Variants in CPNE8 observed in about 807,000 individuals in gnomAD.
CPNE8 encodes copine 8.
CPNE8 carries 45 observed loss-of-function variants against 81.5 expected under a neutral mutation model. The ratio of observed to expected loss-of-function variants is 0.55; its 90% CI spans 0.44 to 0.71. CPNE8 has a LOEUF of 0.71. CPNE8 is among the 30% of genes least tolerant of loss of function. The pLI, the probability that CPNE8 is intolerant of heterozygous loss-of-function variation, is 0.00. For missense variants in CPNE8, 594 were observed against 672.1 expected, an observed-to-expected ratio of 0.88 and a Z score of 1.28; for synonymous variants, 252 against 226.3, an observed-to-expected ratio of 1.11 and a Z score of -1.02.
intron 19 of CPNE8, among the ~76,000 whole-genome samples, chr12:38,667,885 C>A (rs60368384): frequency 6.6e-6 from 1 of 151,974 alleles, no homozygotes; most frequent in Non-Finnish European, 1.5e-5. Flanking sequence ...GCAATCTCCA[C>A]CTCCTGGGCT....
chr12:38,894,337 CA>C (rs1388439181), intron 1 of CPNE8, among the ~76,000 whole-genome samples: 1 of 151,898 alleles, frequency 6.6e-6, no homozygotes, highest in Non-Finnish European at 1.5e-5. Context: ...AAACTTTTCC[CA>C]AAAAAATTTT....
chr12:38,674,875 G>T (rs1939254082), intron 18 of CPNE8, among the ~76,000 whole-genome samples: 1 of 152,190 alleles, frequency 6.6e-6, no homozygotes, highest in South Asian at 2.1e-4. Flanking sequence ...AACTTACAAA[G>T]ATTGTGTCAA....
chr12:38,738,075 G>A (rs1940996405), intron 10 of CPNE8, among the ~76,000 whole-genome samples: 1 of 152,098 alleles, frequency 6.6e-6, no homozygotes, highest in South Asian at 2.1e-4. Flanking sequence ...CTTGCTTGTG[G>A]AGCCGGCTAC....
intron 10 of CPNE8, among the ~76,000 whole-genome samples, chr12:38,750,904 CTG>C (rs1213727274): frequency 2.0e-5 from 3 of 152,136 alleles, no homozygotes; most frequent in Non-Finnish European, 4.4e-5. Flanking sequence ...TATGGTTTGG[CTG>C]TGTCCCCACC....
chr12:38,833,140 G>T (rs573378270), intron 5 of CPNE8, among the ~76,000 whole-genome samples: 2 of 151,826 alleles, frequency 1.3e-5, no homozygotes, highest in Admixed American at 1.3e-4. Flanking sequence ...ATCACTTGAG[G>T]TCAGGCGATC....
At chr12:38,749,727 C>A (rs1941311897) in intron 10 of CPNE8, among the ~76,000 whole-genome samples, 1 of 152,072 alleles carries the variant, frequency 6.6e-6, no homozygotes, top group Admixed American at 6.6e-5. Flanking sequence ...GAGGAAATTT[C>A]TAAGCAGCAA....
chr12:38,815,154 G>A (rs554914978), intron 6 of CPNE8, among the ~76,000 whole-genome samples: 3 of 152,220 alleles, frequency 2.0e-5, no homozygotes, highest in East Asian at 3.9e-4. Context: ...GAGCCAAACA[G>A]GCTGGTGCCA....
intron 13 of CPNE8, among the ~76,000 whole-genome samples, chr12:38,704,165 C>G (rs530591556): frequency 7.9e-5 from 12 of 152,238 alleles, no homozygotes; most frequent in South Asian, 2.1e-4. Context: ...TGCTCAGTAC[C>G]TGGGTGACAG....
chr12:38,755,614 G>A (rs1474215758), intron 10 of CPNE8, among the ~76,000 whole-genome samples: 2 of 151,980 alleles, frequency 1.3e-5, no homozygotes, highest in East Asian at 3.8e-4. Context: ...AAAAGAAATA[G>A]TGAGAAGTAT....
At chr12:38,902,349 A>G (rs1944485467) in intron 1 of CPNE8, among the ~76,000 whole-genome samples, 1 of 89,294 alleles carries the variant, frequency 1.1e-5, no homozygotes, top group Non-Finnish European at 2.0e-5. Context: ...AGAAAGAAAG[A>G]AAGAAAGAAA....
chr12:38,741,822 G>A (rs4259868), intron 10 of CPNE8, among the ~76,000 whole-genome samples: 5 of 151,848 alleles, frequency 3.3e-5, no homozygotes, highest in Admixed American at 2.6e-4. Flanking sequence ...AAACAAATTT[G>A]CAAGAAAAAA....
At chr12:38,802,849 C>A (rs1180886821) in intron 6 of CPNE8, among the ~76,000 whole-genome samples, 2 of 144,138 alleles carry the variant, frequency 1.4e-5, no homozygotes, top group Admixed American at 7.0e-5. Flanking sequence ...CACAGAAATA[C>A]AAACTACCAT....
At chr12:38,760,435 G>GTGTATATATATATATATATATA (rs1555154496) in intron 10 of CPNE8, among the ~76,000 whole-genome samples, 2 of 127,276 alleles carry the variant, frequency 1.6e-5, no homozygotes, top group African/African-American at 7.0e-5. Flanking sequence ...TGTATGGTGT[G>GTGTATATATATATATATATATA]TATATATATA....
chr12:38,790,892 G>T (rs1189247788), intron 6 of CPNE8, among the ~76,000 whole-genome samples: 1 of 151,496 alleles, frequency 6.6e-6, no homozygotes, highest in Non-Finnish European at 1.5e-5. Flanking sequence ...GTTTGTTTTT[G>T]TAACATTCTC....
At chr12:38,857,763 G>A (rs1369967557) in intron 3 of CPNE8, among the ~76,000 whole-genome samples, 2 of 152,158 alleles carry the variant, frequency 1.3e-5, no homozygotes, top group Non-Finnish European at 2.9e-5. Context: ...GGGCATGGTG[G>A]CAGGCACCTG....
rs897877720 is a variant in CPNE8, at chr12:38,844,761, A to G, written c.290+3798T>C. Among the ~76,000 whole-genome samples, 6 of 152,286 alleles carry G rather than the reference A, an allele frequency of 3.9e-5. No homozygotes were observed. The East Asian group carries it at 9.6e-4, about 24-fold the overall frequency. ...GCACTGAAATTTTTTTAAGTTTATA[A>G]AAGCCATTTCTAAAACCTGTTATAA... On this transcript the variant is annotated intron_variant, in intron 4 of 19. Transcript: ENST00000331366.
intron 6 of CPNE8, 76 bp downstream of exon 6, chr12:38,829,303 C>A (rs2137021678): frequency 2.1e-6 from 2 of 931,016 alleles, no homozygotes; most frequent in East Asian, 2.4e-5. Flanking sequence ...CACAACCATG[C>A]ATTCACCAAT....
chr12:38,756,047 A>AAAAAAAAAAAAAAAG (rs1941452643), intron 10 of CPNE8, among the ~76,000 whole-genome samples: 1 of 150,428 alleles, frequency 6.6e-6, no homozygotes, highest in African/African-American at 2.4e-5. Flanking sequence ...CTCAAAAAAA[A>AAAAAAAAAAAAAAAG]AAAAAAAAGA....
intron 10 of CPNE8, among the ~76,000 whole-genome samples, chr12:38,759,738 A>G (rs1051744351): frequency 2.7e-5 from 4 of 150,464 alleles, no homozygotes; most frequent in African/African-American, 9.8e-5. Flanking sequence ...TTCTTGAAAG[A>G]AAAAAAAAAT....
Sources: allele counts gnomAD v4.1 joint callset (sites outside exome capture counted in the v4.1 genomes callset), GRCh38; gene constraint gnomAD v4.1.1; transcripts MANE v1.5; gene names NCBI Gene and HGNC (gene_info 2026-07-23, HGNC 2026-07-21).